Variants in ZNF33B observed in about 807,000 individuals in gnomAD.
The protein encoded by ZNF33B is zinc finger protein 11b (KOX 2).
In ZNF33B, 29 loss-of-function variants were observed where a neutral mutation model predicts 45.8. The observed-to-expected ratio is 0.63, with a 90% CI of 0.47 to 0.86. ZNF33B has a LOEUF of 0.86. ZNF33B is among the 40% of genes least tolerant of loss of function. ZNF33B has a pLI of 0.00. For synonymous variants in ZNF33B, 305 were observed against 307.8 expected (o/e 0.99, Z 0.10); for missense variants, 831 against 909.9 (o/e 0.91, Z 1.12).
At chr10:42,578,784 T>G (rs1836783667) in intron 1 of ZNF33B, 1 of 152,276 alleles carries the variant, frequency 6.6e-6, no homozygotes, top group Non-Finnish European at 1.5e-5. Context: ...TGAAGCACAG[T>G]GACCCAGATG....
chr10:42,632,024 C>G lies in ZNF33B; in HGVS notation c.155G>C (p.Gly52Ala). 2 of 1,613,802 alleles carry G rather than the reference C, an allele frequency of 1.2e-6. No homozygotes were observed. The highest frequency in any genetic ancestry group is 1.7e-6 in the Non-Finnish European group (2 of 1,179,808). Reference protein sequence around the residue: ...LENYSNLVSVGYCAHKPEVIF... With the variant: ...LENYSNLVSVAYCAHKPEVIF... ...CACCTCTGGTTTGTGAGCACAATAC[C>G]CTGTTAACAGGAAATAATTTAGGAT... is the stretch of plus-strand genomic sequence containing the variant. The change falls in exon 4 of 5, where the codon GGG (glycine) becomes GCG (alanine). Residue 52 changes from glycine (G) to alanine (A), a missense_variant and splice_region_variant. By Grantham distance (60) the Gly-to-Ala change is moderately conservative. Transcript: ENST00000359467.
rs41302245 is a variant in ZNF33B at position 42,638,561 on chromosome 10, A to G, written c.-132T>C. On this transcript the variant is annotated 5_prime_UTR_variant, in exon 1 of 5. Transcript: ENST00000359467. ...CCGCCTCCCACGCAAAACGTGAGAC[A>G]AACAAAAGGAAAGGCGGAAACGCAG... The G allele has an allele frequency of 1.8e-4, 87 of 474,790 alleles. No individual in the cohort carries two copies. Among genetic ancestry groups the G allele is most frequent in the Middle Eastern group, 6.7e-4 (2 of 2,990 alleles). 29.4% of individuals were successfully genotyped at this position (474,790 alleles called of 1,614,324 possible).
At chr10:42,632,262 G>T (rs1839093557) in intron 3 of ZNF33B, 33 bp downstream of exon 3, 3 of 1,580,486 alleles carry the variant, frequency 1.9e-6, no homozygotes, top group African/African-American at 1.4e-5. Flanking sequence ...ATAAACGAAT[G>T]CTATTTAGAA....
At chr10:42,636,740 A>C in intron 2 of ZNF33B, 180 bp downstream of exon 2, 1 of 760,742 alleles carries the variant, frequency 1.3e-6, no homozygotes, top group Admixed American at 2.8e-5. Flanking sequence ...GAATTGCTTG[A>C]ACCCAGGAGG....
chr10:42,587,646 C>T (rs969951116), downstream of ZNF33B, among the ~76,000 whole-genome samples: 3 of 152,210 alleles, frequency 2.0e-5, no homozygotes, highest in Admixed American at 2.0e-4. Flanking sequence ...TATTCTGTGG[C>T]TCAGGTGCAG....
chr10:42,592,702 C>G lies in ZNF33B; in HGVS notation c.2248G>C (p.Glu750Gln), dbSNP rs1395256113. Residue 750 changes from glutamate (E) to glutamine (Q), a missense_variant, in exon 5 of 5, where the codon GAA (glutamate) becomes CAA (glutamine). By Grantham distance (29) the Glu-to-Gln change is conservative. Transcript: ENST00000359467. ...QRSHTGEKPYECNTCRKTFSQ... is the reference protein window; with the variant it reads ...QRSHTGEKPYQCNTCRKTFSQ... ...AAGGTTTTCCTGCATGTGTTACATT[C>G]ATAGGGCTTTTCCCCTGTATGTGAT... 6.2e-7 allele frequency: 1 copy of G among 1,614,090 alleles called. No homozygotes were observed. Among genetic ancestry groups the G allele is most frequent in the Non-Finnish European group, 8.5e-7 (1 of 1,179,976 alleles).
At position 42,594,039 on chromosome 10, in the gene ZNF33B, C is replaced by G. The variant is rs780887147; in HGVS notation, c.911G>C (p.Gly304Ala). Residue 304 changes from glycine to alanine, a missense_variant, in exon 5 of 5, where the codon GGT (glycine) becomes GCT (alanine). Transcript: ENST00000359467. The stretch of plus-strand genomic sequence containing the variant: ...CCTCCTGAAATTATTCCCACTTTCA[C>G]CACAATCATAGTGTTTCACAGGTAC... Reference protein sequence around the residue: ...DGVPVKHYDCGESGNNFRRKL... With the variant: ...DGVPVKHYDCAESGNNFRRKL... 1 of 1,614,074 alleles carries G rather than the reference C, an allele frequency of 6.2e-7. No individual in the cohort carries two copies. The highest frequency in any genetic ancestry group is 2.2e-5 in the East Asian group (1 of 44,860).
chr10:42,612,741 T>C (rs1368261651), intron 4 of ZNF33B, among the ~76,000 whole-genome samples: 1 of 152,228 alleles, frequency 6.6e-6, no homozygotes, highest in Non-Finnish European at 1.5e-5. Flanking sequence ...AGGTTCCCTT[T>C]GCATCTCTTT....
At chr10:42,607,971 G>C (rs1240871204) in intron 4 of ZNF33B, among the ~76,000 whole-genome samples, 2 of 152,116 alleles carry the variant, frequency 1.3e-5, no homozygotes, top group African/African-American at 2.4e-5. Flanking sequence ...ATCTATAAGA[G>C]ATAGATACAA....
chr10:42,584,525 CT>C (rs200015044), downstream of ZNF33B, among the ~76,000 whole-genome samples: 356 of 143,518 alleles, frequency 2.5e-3, no homozygotes, highest in Middle Eastern at 3.6e-3. Flanking sequence ...TTCCTTTGAG[CT>C]TTTTTTTTTT....
intron 4 of ZNF33B, among the ~76,000 whole-genome samples, chr10:42,608,128 T>G (rs2132085110): frequency 6.6e-6 from 1 of 152,136 alleles, no homozygotes; most frequent in Non-Finnish European, 1.5e-5. Context: ...AATATAACAA[T>G]AAAAGGGTCA....
rs375015329 is a variant in ZNF33B at position 42,637,901 on chromosome 10, C to T, written c.-45+573G>A. Among the ~76,000 whole-genome samples, 32 of 152,314 alleles carry T rather than the reference C, an allele frequency of 2.1e-4. 1 individual carries two copies. The highest frequency in any genetic ancestry group is 7.5e-4 in the African/African-American group (31 of 41,572). ...TTCCTGACCTCAGGTGATCCACCCT[C>T]CTCGGCCTCCCAAAGTGCAGGATTA... On this transcript the variant is annotated intron_variant, in intron 1 of 4. Transcript: ENST00000359467.
At position 42,617,393 on chromosome 10, in the gene ZNF33B, C is replaced by T. The variant is rs182169425; in HGVS notation, c.250+14536G>A. 3.8e-3 allele frequency among the ~76,000 whole-genome samples: 573 copies of T among 152,060 alleles called. 9 individuals are homozygous for T. The highest frequency in any genetic ancestry group is 0.034 in the Admixed American group (513 of 15,258). On this transcript the variant is annotated intron_variant, in intron 4 of 4. Transcript: ENST00000359467. ...TGTTGAAATTACAGGCATTTGCCAC[C>T]GCACCCAGCCTGGAGGCAATTCTTG...
At position 42,638,558 on chromosome 10, in the gene ZNF33B, G is replaced by C. The variant is rs1589084918; in HGVS notation, c.-129C>G. 2.5e-5 allele frequency: 12 copies of C among 477,016 alleles called. No individual in the cohort carries two copies. In the East Asian group the frequency reaches 7.5e-4, roughly 30 times the overall value. 29.5% of individuals were successfully genotyped at this position (477,016 alleles called of 1,614,324 possible). ...GGACCGCCTCCCACGCAAAACGTGA[G>C]ACAAACAAAAGGAAAGGCGGAAACG... On this transcript the variant is annotated 5_prime_UTR_variant, in exon 1 of 5. Transcript: ENST00000359467.
rs761852719 is a variant in ZNF33B at position 42,638,505 on chromosome 10, A to G, written c.-76T>C. On this transcript the variant is annotated 5_prime_UTR_variant, in exon 1 of 5. Transcript: ENST00000359467. ...CTCTCTTCGGGTTGCATTCGCCATA[A>G]GAGAGCCGGTAGACCCCTGAAATCC... 7 of 480,758 alleles carry G rather than the reference A, an allele frequency of 1.5e-5. No individual in the cohort carries two copies. The highest frequency in any genetic ancestry group is 4.5e-5 in the South Asian group (3 of 67,224). 29.8% of individuals were successfully genotyped at this position (480,758 alleles called of 1,614,324 possible).
At position 42,592,824 on chromosome 10, in the gene ZNF33B, G is replaced by C. The variant is rs754841481; in HGVS notation, c.2126C>G (p.Thr709Arg). ...GKSFSHKSSL[T>R]VHHRAHTGEK... ...TCCTGTGTGAGCCCTGTGATGTACTGTGAGTGATGATTTGTGACTGAAGGA... is the reference window on the plus strand; with the variant it reads ...TCCTGTGTGAGCCCTGTGATGTACTCTGAGTGATGATTTGTGACTGAAGGA... The change falls in exon 5 of 5, where the codon ACA (threonine) becomes AGA (arginine). Residue 709 changes from threonine (T) to arginine (R), a missense_variant. Transcript: ENST00000359467. 7 of 1,614,008 alleles carry C rather than the reference G, an allele frequency of 4.3e-6. No individual in the cohort carries two copies. The highest frequency in any genetic ancestry group is 5.9e-6 in the Non-Finnish European group (7 of 1,180,002).
At chr10:42,627,398 G>A (rs1390470685) in intron 4 of ZNF33B, among the ~76,000 whole-genome samples, 1 of 152,186 alleles carries the variant, frequency 6.6e-6, no homozygotes, top group African/African-American at 2.4e-5. Context: ...TTTCATTCCA[G>A]ATATTGATGA....
At chr10:42,619,325 T>C (rs547128431) in intron 4 of ZNF33B, among the ~76,000 whole-genome samples, 1 of 152,196 alleles carries the variant, frequency 6.6e-6, no homozygotes, top group Non-Finnish European at 1.5e-5. Flanking sequence ...ATTGAAGGCC[T>C]GAAGACAGAT....
intron 1 of ZNF33B, among the ~76,000 whole-genome samples, chr10:42,583,649 A>G (rs1171207045): frequency 6.6e-6 from 1 of 152,064 alleles, no homozygotes; most frequent in East Asian, 1.9e-4. Context: ...CTAATAGTCT[A>G]TGGTCTCCAC....
Sources: gnomAD v4.1 joint callset for allele counts (sites outside exome capture counted in the v4.1 genomes callset) on GRCh38, gnomAD v4.1.1 for gene constraint, MANE v1.5 for transcripts, NCBI Gene and HGNC (gene_info 2026-07-23, HGNC 2026-07-21) for gene names.